The following GOLT1A variants were observed in gnomAD, a reference collection of about 807,000 sequenced individuals.
The protein encoded by GOLT1A is golgi transport 1A, also known as vesicle transport protein GOT1A.
In GOLT1A, 10 loss-of-function variants were observed where a neutral mutation model predicts 16.1. The observed-to-expected ratio is 0.62, with a 90% CI of 0.38 to 1.05. GOLT1A has a LOEUF of 1.05. Ranked by LOEUF, GOLT1A falls within the 50% of genes least tolerant of loss-of-function variation. The pLI is 0.01. For missense variants in GOLT1A, 137 were observed against 165.7 expected (o/e 0.83, Z 0.95); for synonymous variants, 60 against 67.9 (o/e 0.88, Z 0.57).
At position 204,199,090 on chromosome 1, in the gene GOLT1A, G is replaced by A. The variant is rs1472330659; in HGVS notation, c.360+105C>T. On this transcript the variant is annotated intron_variant, in intron 4 of 4. Transcript: ENST00000308302. ...GCTAGGGGGTCTGAGGGGAGACAGG[G>A]GAGAGGCCACTGCCCCTGGGGCAGC... 9.2e-6 allele frequency: 9 copies of A among 973,392 alleles called. No individual in the cohort carries two copies. The East Asian group carries it at 2.4e-4, about 26-fold the overall frequency. 60.3% of individuals were successfully genotyped at this position (973,392 alleles called of 1,614,324 possible). A position where few individuals can be genotyped will look rare whatever the true frequency, so the allele number is the denominator to read the frequency against.
intron 1 of GOLT1A, among the ~76,000 whole-genome samples, chr1:204,212,546 A>T (rs1659154170): frequency 6.7e-6 from 1 of 150,014 alleles, no homozygotes; most frequent in Non-Finnish European, 1.5e-5. Flanking sequence ...CTGAGGCAGG[A>T]GAATCGCTTG....
At position 204,200,301 on chromosome 1, in the gene GOLT1A, A is replaced by G. The variant is rs77275299; in HGVS notation, c.297-1043T>C. 5.4e-3 allele frequency among the ~76,000 whole-genome samples: 309 copies of G among 57,426 alleles called. 15 individuals carry two copies. The highest frequency in any genetic ancestry group is 0.027 in the East Asian group (40 of 1,488). The allele number at this position is 57,426 out of a possible 152,430, so 37.7% of individuals were successfully genotyped here. A position where few individuals can be genotyped will look rare whatever the true frequency, so the allele number is the denominator to read the frequency against. On this transcript the variant is annotated intron_variant, in intron 3 of 4. Transcript: ENST00000308302. ...CTGTTTGAAAATGACATATATGTGT[A>G]TATATATATATATATATATGTTTTT...
chr1:204,211,459 C>T (rs575340618), intron 1 of GOLT1A, among the ~76,000 whole-genome samples: 3 of 152,242 alleles, frequency 2.0e-5, no homozygotes, highest in Non-Finnish European at 2.9e-5. Context: ...CTGCAACACC[C>T]TGCCTCTCAC....
In GOLT1A at chr1:204,209,688, G is replaced by A. The variant is rs551535661; in HGVS notation, c.25+4194C>T. On this transcript the variant is annotated intron_variant, in intron 1 of 4. Coordinates refer to ENST00000308302, the MANE Select transcript of GOLT1A (RefSeq NM_198447.2). The stretch of plus-strand genomic sequence containing the variant: ...ATTTCACAAACAAAACTGAAACACA[G>A]AGGTTAAGTCACTTGCCTGGGGATA... Among the ~76,000 whole-genome samples the A allele has an allele frequency of 2.0e-5, 3 of 152,308 alleles. No individual in the cohort carries two copies. In the East Asian group the frequency reaches 5.8e-4, roughly 29 times the overall value.
At chr1:204,208,356 GTA>G (rs982359527) in intron 1 of GOLT1A, among the ~76,000 whole-genome samples, 11 of 131,412 alleles carry the variant, frequency 8.4e-5, no homozygotes, top group East Asian at 5.8e-4. Context: ...ACACATGTAT[GTA>G]TATATGTGTG....
chr1:204,209,616 A>G (rs1414562125), intron 1 of GOLT1A, among the ~76,000 whole-genome samples: 2 of 152,224 alleles, frequency 1.3e-5, no homozygotes. Flanking sequence ...ATATTAACAC[A>G]TTTAATTTTC....
chr1:204,213,861 A>G, intron 1 of GOLT1A, 21 bp downstream of exon 1: 1 of 1,612,194 alleles, frequency 6.2e-7, no homozygotes, highest in Non-Finnish European at 8.5e-7. Context: ...AGCCCATTGC[A>G]GCCCCGCTCA....
chr1:204,199,168 G>A (rs186896172), intron 4 of GOLT1A, 27 bp downstream of exon 4: 11 of 1,567,316 alleles, frequency 7.0e-6, no homozygotes, highest in East Asian at 4.6e-5. Flanking sequence ...GGGTACGCCC[G>A]CAGGGCTGCA....
chr1:204,212,360 C>T (rs114980200), intron 1 of GOLT1A, among the ~76,000 whole-genome samples: 1,901 of 152,260 alleles, frequency 0.012, 41 homozygotes, highest in African/African-American at 0.044. Context: ...CCTGGCTGGG[C>T]GCGGTGGCTC....
rs374794242 is a variant in GOLT1A at position 204,199,243 on chromosome 1, G to A, written c.312C>T (p.Val104=). ...FFSLFKGFFP[V]AFGFLGNVCN... The stretch of plus-strand genomic sequence containing the variant: ...AGACATTGCCCAGGAAGCCGAAGGC[G>A]ACAGGGAAAAAGCCCCTAGGAGCAG... The change falls in exon 4 of 5, where the codon GTC becomes GTT. Residue 104 remains valine, a synonymous_variant. Coordinates refer to ENST00000308302, the MANE Select transcript of GOLT1A (RefSeq NM_198447.2). 148 of 1,603,916 alleles carry A rather than the reference G, an allele frequency of 9.2e-5. No individual in the cohort carries two copies. The highest frequency in any genetic ancestry group is 1.1e-4 in the Non-Finnish European group (129 of 1,176,256).
intron 3 of GOLT1A, among the ~76,000 whole-genome samples, chr1:204,201,364 G>A (rs180937735): frequency 1.1e-3 from 169 of 152,322 alleles, no homozygotes; most frequent in Non-Finnish European, 1.9e-3. Flanking sequence ...TGAGATTTGA[G>A]GGCAGGCCTC....
chr1:204,208,433 TATAC>T (rs1198187063), intron 1 of GOLT1A, among the ~76,000 whole-genome samples: 52 of 62,868 alleles, frequency 8.3e-4, no homozygotes, highest in Non-Finnish European at 1.7e-3. Flanking sequence ...TGTGTATATG[TATAC>T]ATATGTGTGT....
At chr1:204,212,636 C>CAAA (rs34059752) in intron 1 of GOLT1A, among the ~76,000 whole-genome samples, 5 of 84,180 alleles carry the variant, frequency 5.9e-5, no homozygotes, top group African/African-American at 9.7e-5. Flanking sequence ...GACTCTGTCT[C>CAAA]AAAAAAAAAA....
Position 204,199,229 on chromosome 1 carries a change from A to G in GOLT1A, c.326T>C (p.Leu109Pro). ...GAAGGGGATGTTGCAGACATTGCCC[A>G]GGAAGCCGAAGGCGACAGGGAAAAA... Reference protein sequence around the residue: ...KGFFPVAFGFLGNVCNIPFLG... With the variant: ...KGFFPVAFGFPGNVCNIPFLG... The change falls in exon 4 of 5, where the codon CTG becomes CCG. Residue 109 changes from leucine (L) to proline (P), a missense_variant. Physicochemically the swap from Leu to Pro is moderately conservative, Grantham distance 98. Coordinates refer to ENST00000308302, the MANE Select transcript of GOLT1A (RefSeq NM_198447.2). The G allele has an allele frequency of 6.2e-7, 1 of 1,603,834 alleles. No individual in the cohort carries two copies. Among genetic ancestry groups the G allele is most frequent in the Non-Finnish European group, 8.5e-7 (1 of 1,176,120 alleles).
At chr1:204,206,022 A>G (rs1215110549) in intron 1 of GOLT1A, among the ~76,000 whole-genome samples, 1 of 152,222 alleles carries the variant, frequency 6.6e-6, no homozygotes, top group Non-Finnish European at 1.5e-5. Flanking sequence ...GTGAGCCGAG[A>G]TTATGCCACT....
rs1328080626 is a variant in GOLT1A, at chr1:204,201,803, G to GA, written c.125dup (p.Leu43ProfsTer57). 1 of 1,613,988 alleles carries GA rather than the reference G, an allele frequency of 6.2e-7. No homozygotes were observed. ...CAATGATGAGGGACAGGCCCGTCAG[G>GA]AACAGCAGCTGTAGGGGAGGGAGGG... On this transcript the variant is annotated frameshift_variant, in exon 3 of 5. Coordinates refer to ENST00000308302, the MANE Select transcript of GOLT1A (RefSeq NM_198447.2). LOFTEE classifies it high-confidence loss of function.
chr1:204,213,003 T>C (rs1025784081), intron 1 of GOLT1A, among the ~76,000 whole-genome samples: 1 of 152,086 alleles, frequency 6.6e-6, no homozygotes, highest in African/African-American at 2.4e-5. Flanking sequence ...TCACTTCCTA[T>C]AGATCTCTGA....
At chr1:204,208,501 TAAAA>T (rs78563408) in intron 1 of GOLT1A, among the ~76,000 whole-genome samples, 1,100 of 95,154 alleles carry the variant, frequency 0.012, 95 homozygotes, top group Non-Finnish European at 0.014. Context: ...TATATATATA[TAAAA>T]AATGAACTAC....
intron 1 of GOLT1A, 68 bp downstream of exon 1, chr1:204,213,814 G>T: frequency 1.3e-6 from 2 of 1,561,862 alleles, no homozygotes; most frequent in East Asian, 2.3e-5. Flanking sequence ...AGCCCAGCTG[G>T]GAGAGAGAGC....
Sources: gnomAD v4.1 joint callset for allele counts (sites outside exome capture counted in the v4.1 genomes callset) on GRCh38, gnomAD v4.1.1 for gene constraint, MANE v1.5 for transcripts, NCBI Gene and HGNC (gene_info 2026-07-23, HGNC 2026-07-21) for gene names.